The following GALNT18 variants were observed in gnomAD, a reference collection of about 807,000 sequenced individuals.
GALNT18 encodes the protein polypeptide N-acetylgalactosaminyltransferase 18, also known as GalNAc-transferase 18.
A neutral mutation model predicts 69.5 loss-of-function variants in GALNT18; 44 were observed. That is an observed-to-expected ratio of 0.63 (90% CI 0.50 to 0.81). The LOEUF is 0.81. GALNT18 is among the 40% of genes least tolerant of loss of function. The probability of loss-of-function intolerance (pLI) is 0.00; values close to 1 mark genes in which losing one functional copy is unlikely to be tolerated. For synonymous variants in GALNT18, 364 were observed against 318.2 expected, an observed-to-expected ratio of 1.14 and a Z score of -1.53; for missense variants, 715 against 810.0, an observed-to-expected ratio of 0.88 and a Z score of 1.42.
At chr11:11,568,397 A>G (rs1565017679) in intron 1 of GALNT18, among the ~76,000 whole-genome samples, 1 of 152,042 alleles carries the variant, frequency 6.6e-6, no homozygotes, top group Non-Finnish European at 1.5e-5. Flanking sequence ...CCTAGTTCCA[A>G]TTTCACCATA....
chr11:11,310,097 C>A (rs1381914787), intron 9 of GALNT18, among the ~76,000 whole-genome samples: 1 of 152,346 alleles, frequency 6.6e-6, no homozygotes, highest in East Asian at 1.9e-4. Flanking sequence ...GAAGTCTACA[C>A]TTGCTGACTC....
At chr11:11,352,640 A>T in intron 6 of GALNT18, 1 of 1,614,190 alleles carries the variant, frequency 6.2e-7, no homozygotes, top group Non-Finnish European at 8.5e-7. Context: ...TCATGACATT[A>T]TGGGGCTTGA....
At chr11:11,375,679 G>A (rs1853731502) in intron 5 of GALNT18, among the ~76,000 whole-genome samples, 1 of 152,156 alleles carries the variant, frequency 6.6e-6, no homozygotes, top group Non-Finnish European at 1.5e-5. Flanking sequence ...TGTAAAACAG[G>A]GATGAGACAT....
In GALNT18 at chr11:11,619,392, C is replaced by T. The variant is rs900454914; in HGVS notation, c.235+1967G>A. On this transcript the variant is annotated intron_variant, in intron 1 of 10. Transcript: ENST00000227756. This position sits in a 1 kb window ranked among gnomAD's most constrained non-coding sequence, Gnocchi z 4.9. ...TTATAAAGTTTCCGGGGAGAAAAAT[C>T]ACAATGCTTCCTTTCAACTTCAACA... Among the ~76,000 whole-genome samples, 1 of 152,124 alleles carries T rather than the reference C, an allele frequency of 6.6e-6. No homozygotes were observed. Among genetic ancestry groups the T allele is most frequent in the Non-Finnish European group, 1.5e-5 (1 of 68,034 alleles).
At chr11:11,517,766 C>A (rs1287798156) in intron 1 of GALNT18, among the ~76,000 whole-genome samples, 1 of 152,164 alleles carries the variant, frequency 6.6e-6, no homozygotes, top group Non-Finnish European at 1.5e-5. Flanking sequence ...CATCTCTTCT[C>A]ACCCCCGTGG....
intron 9 of GALNT18, among the ~76,000 whole-genome samples, 192 bp from the exon 10 acceptor site, chr11:11,293,385 C>G (rs148407434): frequency 6.6e-6 from 1 of 152,096 alleles, no homozygotes; most frequent in Non-Finnish European, 1.5e-5. Context: ...CATTATGATC[C>G]GGTATAGTGT....
intron 9 of GALNT18, among the ~76,000 whole-genome samples, chr11:11,307,149 G>GCCTAT (rs1363257358): frequency 7.2e-6 from 1 of 138,952 alleles, no homozygotes; most frequent in East Asian, 2.1e-4. Flanking sequence ...GTCTAGCCTA[G>GCCTAT]CCCAAATTGC....
At chr11:11,388,391 C>A (rs4910330) in intron 3 of GALNT18, among the ~76,000 whole-genome samples, 1 of 152,004 alleles carries the variant, frequency 6.6e-6, no homozygotes, top group East Asian at 1.9e-4. Flanking sequence ...TGAAGATGAC[C>A]GTGGCAGGTT....
chr11:11,341,119 C>G lies in GALNT18; in HGVS notation c.1093-115G>C. 1 of 877,298 alleles carries G rather than the reference C, an allele frequency of 1.1e-6. No individual in the cohort carries two copies. The highest frequency in any genetic ancestry group is 1.7e-6 in the Non-Finnish European group (1 of 573,456). 54.3% of individuals were successfully genotyped at this position (877,298 alleles called of 1,614,324 possible). On this transcript the variant is annotated intron_variant, in intron 6 of 10. Coordinates refer to ENST00000227756, the MANE Select transcript of GALNT18 (RefSeq NM_198516.3). This position sits in a 1 kb window ranked among gnomAD's most constrained non-coding sequence, Gnocchi z 6.3. The stretch of plus-strand genomic sequence containing the variant: ...GAAAGTCAGCCCCTTCACCTTGACT[C>G]CCCAGATCACTCTCTGTGAAGGAGT...
At chr11:11,608,049 C>A (rs1347957841) in intron 1 of GALNT18, among the ~76,000 whole-genome samples, 1 of 152,222 alleles carries the variant, frequency 6.6e-6, no homozygotes, top group East Asian at 1.9e-4. Context: ...CACCAAGATG[C>A]CCTGGAGCAG....
At chr11:11,316,226 G>A (rs1453720049) in intron 9 of GALNT18, among the ~76,000 whole-genome samples, 1 of 152,184 alleles carries the variant, frequency 6.6e-6, no homozygotes, top group South Asian at 2.1e-4. Context: ...CAACTCAGGG[G>A]TTTTTCCAAA....
Position 11,342,355 on chromosome 11 carries a change from C to G in GALNT18, c.1093-1351G>C, listed in dbSNP as rs1458525784. On this transcript the variant is annotated intron_variant, in intron 6 of 10. Transcript: ENST00000227756. The stretch of plus-strand genomic sequence containing the variant: ...AAAGTAATCAAGATCTCCTGGTGGA[C>G]AGTAGATATTACTTGCCAGATACTG... Among the ~76,000 whole-genome samples the G allele has an allele frequency of 3.3e-5, 5 of 152,176 alleles. No individual in the cohort carries two copies. The East Asian group carries it at 9.6e-4, about 29-fold the overall frequency.
intron 2 of GALNT18, among the ~76,000 whole-genome samples, chr11:11,434,410 C>G (rs1028628012): frequency 1.3e-5 from 2 of 152,146 alleles, no homozygotes; most frequent in Non-Finnish European, 2.9e-5. Context: ...ACTGAGGGTA[C>G]AGCAGGAAGT....
Position 11,448,863 on chromosome 11 carries a change from C to T in GALNT18, c.309G>A (p.Gln103=). ...TDSSLFAHWG[Q]ELSPEGRRVA... ...CGCGCCGGCCTTCGGGGCTGAGCTCCTGGCCCCAGTGTGCAAACAGAGAGG... is the reference window on the plus strand; with the variant it reads ...CGCGCCGGCCTTCGGGGCTGAGCTCTTGGCCCCAGTGTGCAAACAGAGAGG... Residue 103 remains glutamine, a synonymous_variant, in exon 2 of 11, where the codon CAG becomes CAA. Transcript: ENST00000227756. 6.2e-7 allele frequency: 1 copy of T among 1,609,450 alleles called. No homozygotes were observed. Among genetic ancestry groups the T allele is most frequent in the Non-Finnish European group, 8.5e-7 (1 of 1,178,044 alleles).
At position 11,586,051 on chromosome 11, in the gene GALNT18, G is replaced by A. The variant is rs1859216551; in HGVS notation, c.235+35308C>T. On this transcript the variant is annotated intron_variant, in intron 1 of 10. Transcript: ENST00000227756. The surrounding 1 kb of genome is among the most constrained non-coding windows in gnomAD (Gnocchi z 4.1). Reference sequence around the variant, plus strand: ...GGATGGAACAAGAACGTGGTGGTCTGTGAACCCGGCAGTGGGCCCTTACCA... The same window carrying A: ...GGATGGAACAAGAACGTGGTGGTCTATGAACCCGGCAGTGGGCCCTTACCA... Among the ~76,000 whole-genome samples the A allele has an allele frequency of 6.6e-6, 1 of 152,186 alleles. No homozygotes were observed. The highest frequency in any genetic ancestry group is 2.4e-5 in the African/African-American group (1 of 41,446).
intron 9 of GALNT18, among the ~76,000 whole-genome samples, chr11:11,300,604 G>A (rs1849476732): frequency 6.6e-6 from 1 of 152,184 alleles, no homozygotes; most frequent in South Asian, 2.1e-4. Context: ...CACACATAAT[G>A]GGGTGATTGC....
intron 6 of GALNT18, among the ~76,000 whole-genome samples, chr11:11,351,125 A>C (rs1850392689): frequency 6.6e-6 from 1 of 152,112 alleles, no homozygotes; most frequent in African/African-American, 2.4e-5. Flanking sequence ...ATTCCAGCTG[A>C]TGAGTTCATT....
chr11:11,398,295 T>C (rs909450617), intron 3 of GALNT18, among the ~76,000 whole-genome samples: 11 of 152,226 alleles, frequency 7.2e-5, no homozygotes, highest in Admixed American at 5.2e-4. Flanking sequence ...TGGGCATTAC[T>C]ACCTTGGCTA....
chr11:11,474,990 C>G (rs1049239650), intron 1 of GALNT18, among the ~76,000 whole-genome samples: 3 of 152,198 alleles, frequency 2.0e-5, no homozygotes, highest in Non-Finnish European at 2.9e-5. Flanking sequence ...GTCCCTGAGT[C>G]TGACAGCCTC....
Sources: allele counts gnomAD v4.1 joint callset (sites outside exome capture counted in the v4.1 genomes callset), GRCh38; gene constraint gnomAD v4.1.1; non-coding constraint Gnocchi (gnomAD v3.1); transcripts MANE v1.5; gene names NCBI Gene and HGNC (gene_info 2026-07-23, HGNC 2026-07-21).